The following STARD13 variants were observed in gnomAD, a reference collection of about 807,000 sequenced individuals.
The protein encoded by STARD13 is StAR related lipid transfer domain containing 13, also known as stAR-related lipid transfer protein 13.
In STARD13, 62 loss-of-function variants were observed where a neutral mutation model predicts 106.4. That is an observed-to-expected ratio of 0.58 (90% CI 0.48 to 0.72). STARD13 has a LOEUF of 0.72. STARD13 is among the 30% of genes least tolerant of loss of function. The pLI, the probability that STARD13 is intolerant of heterozygous loss-of-function variation, is 0.00. For synonymous variants in STARD13, 565 were observed against 553.0 expected (o/e 1.02, Z -0.31); for missense variants, 1,387 against 1,424.0 (o/e 0.97, Z 0.42).
the STARD13 span, among the ~76,000 whole-genome samples, chr13:33,418,431 C>T: frequency 1.3e-5 from 2 of 152,204 alleles, no homozygotes; most frequent in Admixed American, 6.5e-5. Flanking sequence ...AACAAAGCTG[C>T]CAGGGAAGCT....
the STARD13 span, among the ~76,000 whole-genome samples, chr13:33,650,176 T>G: frequency 2.9e-5 from 2 of 69,426 alleles, no homozygotes; most frequent in African/African-American, 2.0e-4. Flanking sequence ...TTTTTTTTTT[T>G]TTTTTTTTTT....
chr13:33,660,133 T>C, the STARD13 span, among the ~76,000 whole-genome samples: 2 of 152,012 alleles, frequency 1.3e-5, no homozygotes, highest in Non-Finnish European at 2.9e-5. Flanking sequence ...CACGAGGGCC[T>C]TCCCAACAAT....
chr13:33,509,983 T>C, the STARD13 span, among the ~76,000 whole-genome samples: 1 of 152,254 alleles, frequency 6.6e-6, no homozygotes, highest in East Asian at 1.9e-4. Context: ...AAGAACTCCC[T>C]CCACTGCCAG....
At chr13:33,141,885 A>G (rs1192246870) in intron 4 of STARD13, among the ~76,000 whole-genome samples, 1 of 152,224 alleles carries the variant, frequency 6.6e-6, no homozygotes, top group African/African-American at 2.4e-5. Context: ...AAACCCTCTA[A>G]TAAAAAAAGA....
intron 1 of STARD13, among the ~76,000 whole-genome samples, chr13:33,236,734 G>A (rs563884245): frequency 6.6e-6 from 1 of 152,160 alleles, no homozygotes; most frequent in Non-Finnish European, 1.5e-5. Flanking sequence ...GGAATCAACT[G>A]GTCTTCAATC....
At chr13:33,555,195 C>T in the STARD13 span, among the ~76,000 whole-genome samples, 1 of 152,212 alleles carries the variant, frequency 6.6e-6, no homozygotes, top group Non-Finnish European at 1.5e-5. Context: ...TAGGTGCCCT[C>T]TCAATCCATT....
rs921057358 is a variant in STARD13 at position 33,105,400 on chromosome 13, A to T, written c.*193T>A. On this transcript the variant is annotated 3_prime_UTR_variant, in exon 14 of 14. Transcript: ENST00000336934. ...AAATTATATTAGTAGGGATGTAGCCATCTCCAGGAAGGCTAAGAAAGTTCT... is the reference window on the plus strand; with the variant it reads ...AAATTATATTAGTAGGGATGTAGCCTTCTCCAGGAAGGCTAAGAAAGTTCT... 7.2e-6 allele frequency: 4 copies of T among 552,892 alleles called. No homozygotes were observed. The highest frequency in any genetic ancestry group is 6.0e-5 in the Admixed American group (2 of 33,430). The allele number at this position is 552,892 out of a possible 1,614,324, so 34.2% of individuals were successfully genotyped here. A position where few individuals can be genotyped will look rare whatever the true frequency, so the allele number is the denominator to read the frequency against.
the STARD13 span, among the ~76,000 whole-genome samples, chr13:33,583,674 T>C: frequency 0.22 from 33,053 of 152,096 alleles, 4,704 homozygotes; most frequent in East Asian, 0.39. Context: ...AAACATCAGC[T>C]GATGCATGAA....
the STARD13 span, among the ~76,000 whole-genome samples, chr13:33,387,745 C>T: frequency 2.0e-5 from 3 of 152,202 alleles, no homozygotes; most frequent in African/African-American, 7.2e-5. Context: ...CACCTTCCAC[C>T]TAGCAACCTC....
At chr13:33,263,062 C>T (rs1164879667) in intron 1 of STARD13, among the ~76,000 whole-genome samples, 64 of 152,328 alleles carry the variant, frequency 4.2e-4, no homozygotes, top group Non-Finnish European at 7.3e-5. Context: ...AAGCAAGTCA[C>T]TCAGCTTCTC....
chr13:33,412,240 C>T, the STARD13 span, among the ~76,000 whole-genome samples: 1 of 152,082 alleles, frequency 6.6e-6, no homozygotes, highest in Non-Finnish European at 1.5e-5. Flanking sequence ...GTGTTCTGTA[C>T]TTCACACACT....
At chr13:33,397,875 G>A in the STARD13 span, among the ~76,000 whole-genome samples, 4 of 152,200 alleles carry the variant, frequency 2.6e-5, no homozygotes, top group Non-Finnish European at 5.9e-5. Context: ...TTAACCTCTG[G>A]TGGAAAGGAT....
intron 1 of STARD13, among the ~76,000 whole-genome samples, chr13:33,291,179 G>GAAGAATGT (rs536616262): frequency 0.011 from 1,686 of 152,322 alleles, 33 homozygotes; most frequent in African/African-American, 0.038. Flanking sequence ...CCAAGCTATT[G>GAAGAATGT]AAGAATGTTC....
intron 1 of STARD13, chr13:33,335,374 G>A (rs2077883778): frequency 6.6e-6 from 1 of 152,248 alleles, no homozygotes; most frequent in Non-Finnish European, 1.5e-5. Flanking sequence ...CCTGTGTGAG[G>A]CAACAGTGGG....
chr13:33,255,858 T>C (rs535179309), intron 1 of STARD13, among the ~76,000 whole-genome samples: 1 of 152,320 alleles, frequency 6.6e-6, no homozygotes, highest in South Asian at 2.1e-4. Flanking sequence ...CACTAATTAC[T>C]GGCCCTTCTG....
the STARD13 span, among the ~76,000 whole-genome samples, chr13:33,556,209 A>G: frequency 2.0e-5 from 3 of 152,154 alleles, no homozygotes; most frequent in African/African-American, 7.2e-5. Flanking sequence ...TAGGGTTCAG[A>G]TATTCATGAA....
At chr13:33,410,148 A>C in the STARD13 span, among the ~76,000 whole-genome samples, 34 of 152,250 alleles carry the variant, frequency 2.2e-4, no homozygotes, top group African/African-American at 7.2e-4. Context: ...CTTAATAAAA[A>C]TCAGTGGTTG....
intron 1 of STARD13, among the ~76,000 whole-genome samples, chr13:33,188,435 G>A (rs1213071820): frequency 6.6e-6 from 1 of 152,150 alleles, no homozygotes; most frequent in African/African-American, 2.4e-5. Flanking sequence ...AATGGACACA[G>A]AGAGTTAATT....
At chr13:33,266,741 G>A (rs1188017513) in intron 1 of STARD13, among the ~76,000 whole-genome samples, 2 of 152,160 alleles carry the variant, frequency 1.3e-5, no homozygotes, top group African/African-American at 4.8e-5. Context: ...TTGATAGCCT[G>A]TCAGTCACTA....
Sources: allele counts gnomAD v4.1 joint callset (sites outside exome capture counted in the v4.1 genomes callset), GRCh38; gene constraint gnomAD v4.1.1; transcripts MANE v1.5; gene names NCBI Gene and HGNC (gene_info 2026-07-23, HGNC 2026-07-21).